Variants in BCL2L12 observed in about 807,000 individuals in gnomAD.
BCL2L12 encodes the protein BCL2 like 12.
In BCL2L12, 27 loss-of-function variants were observed where a neutral mutation model predicts 25.7. That is an observed-to-expected ratio of 1.05 (90% CI 0.78 to 1.45). The LOEUF (loss-of-function observed/expected upper bound fraction) is 1.45, where lower values mean the gene tolerates loss of function less well. BCL2L12 is among the 40% of genes most tolerant of loss of function. BCL2L12 has a pLI of 0.00. For missense variants in BCL2L12, 302 were observed against 329.8 expected, an observed-to-expected ratio of 0.92 and a Z score of 0.65; for synonymous variants, 132 against 145.6, an observed-to-expected ratio of 0.91 and a Z score of 0.67.
chr19:49,668,736 A>G, intron 3 of BCL2L12, 115 bp from the exon 4 acceptor site: 8 of 1,055,084 alleles, frequency 7.6e-6, no homozygotes, highest in Non-Finnish European at 1.1e-5. Context: ...TCAATACATA[A>G]ATAAATAATA....
In BCL2L12 at chr19:49,673,684, C is replaced by G. The variant is rs932848985; in HGVS notation, c.703-14C>G. On this transcript the variant is annotated splice_polypyrimidine_tract_variant and intron_variant, in intron 6 of 6. Coordinates refer to ENST00000246784, the MANE Select transcript of BCL2L12 (RefSeq NM_138639.2). ...CTGCCCTGCTCACAGGGCTCTGCCA[C>G]TTTTCCCTTCCAGGAGGGCATCCTG... 6.2e-7 allele frequency: 1 copy of G among 1,612,178 alleles called. No homozygotes were observed. The highest frequency in any genetic ancestry group is 1.3e-5 in the African/African-American group (1 of 74,872).
intron 6 of BCL2L12, among the ~76,000 whole-genome samples, chr19:49,671,502 G>A (rs58705717): frequency 0.049 from 7,499 of 152,110 alleles, 628 homozygotes; most frequent in African/African-American, 0.17. Context: ...AAGCATGGTA[G>A]CTCACACGTT....
intron 3 of BCL2L12, among the ~76,000 whole-genome samples, chr19:49,667,566 C>T (rs2081842867): frequency 6.6e-6 from 1 of 152,154 alleles, no homozygotes; most frequent in Admixed American, 6.5e-5. Flanking sequence ...GGTCACTGGA[C>T]TTGATCAAGG....
upstream of BCL2L12, chr19:49,665,801 T>C (rs781396979): frequency 6.3e-7 from 1 of 1,576,102 alleles, no homozygotes; most frequent in African/African-American, 1.4e-5. Flanking sequence ...TTATCATTCT[T>C]TGGGTAACAG....
Position 49,667,140 on chromosome 19 carries a change from C to T in BCL2L12, c.229C>T (p.Pro77Ser), listed in dbSNP as rs751409023. ...TCGGCCTTGCTCTCTGCCCATCCGC[C>T]CCTGCTATGGTTTAGAGCCTGGTAA... is the stretch of plus-strand genomic sequence containing the variant. ...SPRPCSLPIR[P>S]CYGLEPGPAT... is the part of the protein sequence containing the mutation. Residue 77 changes from proline to serine, a missense_variant, in exon 3 of 7, where the codon CCC (proline) becomes TCC (serine). Pro to Ser is a moderately conservative substitution (Grantham distance 74). Coordinates refer to ENST00000246784, the MANE Select transcript of BCL2L12 (RefSeq NM_138639.2). The T allele has an allele frequency of 2.5e-6, 4 of 1,613,940 alleles. No individual in the cohort carries two copies. The highest frequency in any genetic ancestry group is 3.4e-6 in the Non-Finnish European group (4 of 1,179,958).
In BCL2L12 at chr19:49,665,941, C is replaced by T. The variant is rs2081722999; in HGVS notation, c.-135C>T. The T allele has an allele frequency of 1.2e-6, 2 of 1,613,762 alleles. No individual in the cohort carries two copies. The highest frequency in any genetic ancestry group is 1.3e-5 in the African/African-American group (1 of 75,056). On this transcript the variant is annotated 5_prime_UTR_variant, in exon 1 of 7. In the 5' UTR this introduces an upstream ATG that the reference lacks. Transcript: ENST00000246784. ...TGCACCCAGCGTTCCGCCCTTTCTA[C>T]GCTGGGCCGGTTATCGACCCGGCCC...
chr19:49,670,037 T>C (rs957273680), intron 5 of BCL2L12, among the ~76,000 whole-genome samples, 179 bp from the exon 6 acceptor site: 2 of 152,232 alleles, frequency 1.3e-5, no homozygotes, highest in South Asian at 2.1e-4. Context: ...CAGGCCACTA[T>C]CCCGGGGGTA....
upstream of BCL2L12, chr19:49,665,246 G>A (rs543345496): frequency 4.0e-4 from 77 of 193,806 alleles, no homozygotes; most frequent in Non-Finnish European, 7.8e-4. Flanking sequence ...CCCCAATGTA[G>A]ACCCCCTTCC....
At chr19:49,673,007 C>G (rs1358951808) in intron 6 of BCL2L12, among the ~76,000 whole-genome samples, 3 of 152,188 alleles carry the variant, frequency 2.0e-5, no homozygotes, top group Admixed American at 1.3e-4. Context: ...GCTGGGGTTA[C>G]AGGCGCACAC....
At chr19:49,666,168 C>T in intron 1 of BCL2L12, 101 bp downstream of exon 1, 2 of 1,401,754 alleles carry the variant, frequency 1.4e-6, no homozygotes, top group South Asian at 1.4e-5. Flanking sequence ...ATCCAAGGGT[C>T]CAGGGTCCTC....
At chr19:49,669,489 T>C (rs1233323220) in intron 5 of BCL2L12, among the ~76,000 whole-genome samples, 1 of 150,790 alleles carries the variant, frequency 6.6e-6, no homozygotes, top group Admixed American at 6.6e-5. Context: ...TGAGCCAAGA[T>C]TGCGCCACTG....
At chr19:49,670,895 C>T (rs1022871280) in intron 6 of BCL2L12, among the ~76,000 whole-genome samples, 2 of 152,096 alleles carry the variant, frequency 1.3e-5, no homozygotes, top group African/African-American at 4.8e-5. Context: ...TGCGGTGGCT[C>T]ACACCTGTAA....
In BCL2L12 at chr19:49,667,106, T is replaced by G. The variant is rs368338159; in HGVS notation, c.195T>G (p.Ser65=). 3 of 1,614,056 alleles carry G rather than the reference T, an allele frequency of 1.9e-6. No homozygotes were observed. The South Asian group carries it at 3.3e-5, about 18-fold the overall frequency. ...PCSLGRGAAP[S]ESPRPCSLPI... Reference sequence around the variant, plus strand: ...CCCTGGGGCGAGGAGCAGCCCCCTCTGAGTCCCCTCGGCCTTGCTCTCTGC... The same window carrying G: ...CCCTGGGGCGAGGAGCAGCCCCCTCGGAGTCCCCTCGGCCTTGCTCTCTGC... The change falls in exon 3 of 7, where the codon TCT becomes TCG. Residue 65 remains serine, a synonymous_variant. Transcript: ENST00000246784.
intron 5 of BCL2L12, among the ~76,000 whole-genome samples, chr19:49,669,622 G>C (rs887157016): frequency 6.6e-6 from 1 of 151,900 alleles, no homozygotes; most frequent in Non-Finnish European, 1.5e-5. Flanking sequence ...TTAATTGATT[G>C]TTTAGAGGGG....
intron 3 of BCL2L12, among the ~76,000 whole-genome samples, chr19:49,668,204 T>G (rs1055211668): frequency 6.6e-6 from 1 of 151,384 alleles, no homozygotes; most frequent in African/African-American, 2.4e-5. Context: ...CAAGTAATTC[T>G]CCTGCCTCAG....
chr19:49,673,183 T>G (rs2122888387), intron 6 of BCL2L12, among the ~76,000 whole-genome samples: 1 of 152,206 alleles, frequency 6.6e-6, no homozygotes, highest in South Asian at 2.1e-4. Context: ...AAAAAATTTT[T>G]TTAAAGTAGG....
At chr19:49,665,594 G>A (rs1404417977), upstream of BCL2L12, 3 of 546,950 alleles carry the variant, frequency 5.5e-6, no homozygotes, top group Admixed American at 6.3e-5. Flanking sequence ...CTCGCTCTCG[G>A]ACGCCACCAA....
chr19:49,667,890 C>T (rs981877994), intron 3 of BCL2L12, among the ~76,000 whole-genome samples: 1 of 152,040 alleles, frequency 6.6e-6, no homozygotes, highest in South Asian at 2.1e-4. Flanking sequence ...AAGCGATTCT[C>T]GTGCCTCAGC....
Position 49,667,119 on chromosome 19 carries a change from C to A in BCL2L12, c.208C>A (p.Pro70Thr). 1 of 1,614,092 alleles carries A rather than the reference C, an allele frequency of 6.2e-7. No homozygotes were observed. The highest frequency in any genetic ancestry group is 1.7e-5 in the Admixed American group (1 of 60,026). The change falls in exon 3 of 7, where the codon CCT (proline) becomes ACT (threonine). Residue 70 changes from proline to threonine, a missense_variant. Transcript: ENST00000246784. Reference sequence around the variant, plus strand: ...AGCAGCCCCCTCTGAGTCCCCTCGGCCTTGCTCTCTGCCCATCCGCCCCTG... The same window carrying A: ...AGCAGCCCCCTCTGAGTCCCCTCGGACTTGCTCTCTGCCCATCCGCCCCTG... The part of the protein sequence containing the change: ...RGAAPSESPR[P>T]CSLPIRPCYG...
Sources: allele counts gnomAD v4.1 joint callset (sites outside exome capture counted in the v4.1 genomes callset), GRCh38; gene constraint gnomAD v4.1.1; transcripts MANE v1.5; gene names NCBI Gene and HGNC (gene_info 2026-07-23, HGNC 2026-07-21).